FIG4: variants seen among roughly 807,000 people sequenced by gnomAD.
FIG4 encodes polyphosphoinositide phosphatase.
In FIG4, 112 loss-of-function variants were observed where a neutral mutation model predicts 118.6. The ratio of observed to expected loss-of-function variants is 0.94; its 90% CI spans 0.81 to 1.11. The LOEUF (loss-of-function observed/expected upper bound fraction) is 1.11, where lower values mean the gene tolerates loss of function less well. Ranked by LOEUF, FIG4 falls within the 50% of genes least tolerant of loss-of-function variation. FIG4 has a pLI of 0.00. For missense variants in FIG4, 969 were observed against 1,111.7 expected (o/e 0.87, Z 1.83); for synonymous variants, 369 against 381.2 (o/e 0.97, Z 0.37).
At chr6:109,701,104 T>A (rs957525969) in intron 1 of FIG4, among the ~76,000 whole-genome samples, 5 of 152,184 alleles carry the variant, frequency 3.3e-5, no homozygotes, top group Admixed American at 3.3e-4. Context: ...AGGTCGTTAT[T>A]GTTCTCTGTG....
chr6:109,806,374 C>T (rs753299384), intron 22 of FIG4, among the ~76,000 whole-genome samples: 2 of 152,172 alleles, frequency 1.3e-5, no homozygotes, highest in Non-Finnish European at 2.9e-5. Flanking sequence ...CCCAAAGCCC[C>T]TCTATAATGA....
chr6:109,743,164 A>G lies in FIG4; in HGVS notation c.931A>G (p.Met311Val). ...TEQILCDASV[M>V]SFTAGSYSSY... ...ACAAATACTCTGCGATGCTTCTGTG[A>G]TGTCTTTCACTGCAGGAAGTTATTC... is the stretch of plus-strand genomic sequence containing the variant. The change falls in exon 9 of 23, where the codon ATG becomes GTG. Residue 311 changes from methionine to valine, a missense_variant. Physicochemically the swap from Met to Val is conservative, Grantham distance 21. Transcript: ENST00000230124. 1.2e-6 allele frequency: 2 copies of G among 1,613,052 alleles called. No homozygotes were observed. Among genetic ancestry groups the G allele is most frequent in the Non-Finnish European group, 1.7e-6 (2 of 1,179,274 alleles).
chr6:109,740,431 G>A (rs1171269674), intron 7 of FIG4, among the ~76,000 whole-genome samples: 1 of 152,038 alleles, frequency 6.6e-6, no homozygotes, highest in African/African-American at 2.4e-5. Flanking sequence ...TACAGGCCAG[G>A]CACTAGTTGT....
intron 1 of FIG4, among the ~76,000 whole-genome samples, chr6:109,693,675 TGATC>T (rs896028575): frequency 2.0e-5 from 3 of 152,164 alleles, no homozygotes; most frequent in Non-Finnish European, 2.9e-5. Context: ...AGAAAAAATC[TGATC>T]GACTCAACTA....
chr6:109,749,588 T>TAATAAAATAAAGTAA (rs138998169), intron 10 of FIG4, among the ~76,000 whole-genome samples: 7 of 141,764 alleles, frequency 4.9e-5, no homozygotes, highest in African/African-American at 1.8e-4. Flanking sequence ...CCTGCCTCAA[T>TAATAAAATAAAGTAA]AATAAAATAA....
intron 15 of FIG4, among the ~76,000 whole-genome samples, chr6:109,774,426 A>G (rs982352493): frequency 1.3e-5 from 2 of 152,164 alleles, no homozygotes; most frequent in South Asian, 2.1e-4. Flanking sequence ...ATCTTTGAAC[A>G]TATACCTTTT....
chr6:109,711,877 G>T (rs549155354), intron 1 of FIG4, among the ~76,000 whole-genome samples: 1 of 152,288 alleles, frequency 6.6e-6, no homozygotes, highest in African/African-American at 2.4e-5. Flanking sequence ...ACTTCAGGGT[G>T]TTTTTCTAGT....
At chr6:109,732,392 C>T (rs35261023) in intron 4 of FIG4, among the ~76,000 whole-genome samples, 64 of 152,272 alleles carry the variant, frequency 4.2e-4, no homozygotes, top group Non-Finnish European at 8.5e-4. Flanking sequence ...TGTAGATGCA[C>T]GACTTTGCCT....
intron 21 of FIG4, among the ~76,000 whole-genome samples, chr6:109,796,401 C>T (rs1325983750): frequency 6.6e-6 from 1 of 152,186 alleles, no homozygotes; most frequent in Non-Finnish European, 1.5e-5. Context: ...CTGCATTCCA[C>T]GCATTAGATA....
At chr6:109,813,375 C>T (rs1778773573) in intron 22 of FIG4, among the ~76,000 whole-genome samples, 1 of 152,122 alleles carries the variant, frequency 6.6e-6, no homozygotes, top group Admixed American at 6.6e-5. Flanking sequence ...AATCCTCAAA[C>T]CCATTCAAGT....
intron 8 of FIG4, 87 bp downstream of exon 8, chr6:109,741,631 T>C: frequency 2.2e-6 from 2 of 894,832 alleles, no homozygotes; most frequent in Middle Eastern, 4.3e-4. Context: ...TTTTAAGAAG[T>C]GGTATTTCTT....
At chr6:109,797,069 G>A (rs1264069673) in intron 22 of FIG4, among the ~76,000 whole-genome samples, 1 of 152,166 alleles carries the variant, frequency 6.6e-6, no homozygotes, top group Non-Finnish European at 1.5e-5. Flanking sequence ...CTTTGGAGGT[G>A]GGTTTGGCAT....
At chr6:109,714,043 T>C (rs1426724290) in intron 1 of FIG4, among the ~76,000 whole-genome samples, 1 of 152,142 alleles carries the variant, frequency 6.6e-6, no homozygotes, top group Non-Finnish European at 1.5e-5. Flanking sequence ...TGTGCTCCAC[T>C]ACAAACGCTC....
At chr6:109,765,695 T>C (rs1777259625) in intron 14 of FIG4, among the ~76,000 whole-genome samples, 1 of 152,208 alleles carries the variant, frequency 6.6e-6, no homozygotes, top group Admixed American at 6.5e-5. Context: ...AAAAGAGTAC[T>C]GTGTCTTCAT....
intron 1 of FIG4, among the ~76,000 whole-genome samples, chr6:109,693,269 G>A (rs942770631): frequency 6.6e-6 from 1 of 152,186 alleles, no homozygotes; most frequent in Non-Finnish European, 1.5e-5. Context: ...TTATTCTGCA[G>A]TAAAACTGTA....
intron 16 of FIG4, among the ~76,000 whole-genome samples, chr6:109,777,943 A>G (rs1777667340): frequency 6.6e-6 from 1 of 152,184 alleles, no homozygotes; most frequent in African/African-American, 2.4e-5. Flanking sequence ...GACACACCTC[A>G]CAGAGTCATT....
At chr6:109,795,647 G>C (rs1465501809) in intron 21 of FIG4, among the ~76,000 whole-genome samples, 1 of 109,558 alleles carries the variant, frequency 9.1e-6, no homozygotes, top group Non-Finnish European at 1.7e-5. Flanking sequence ...TGTCACCCAG[G>C]CTGGAGTGCA....
At chr6:109,696,921 T>A (rs1774740335) in intron 1 of FIG4, among the ~76,000 whole-genome samples, 1 of 152,164 alleles carries the variant, frequency 6.6e-6, no homozygotes, top group South Asian at 2.1e-4. Context: ...AAATTATAGA[T>A]GTTTGAGGTG....
intron 2 of FIG4, among the ~76,000 whole-genome samples, chr6:109,715,412 C>T (rs1318587371): frequency 6.6e-6 from 1 of 152,118 alleles, no homozygotes; most frequent in Non-Finnish European, 1.5e-5. Flanking sequence ...TTCGAAAACA[C>T]ACTCTTAGGA....
Sources: gnomAD v4.1 joint callset for allele counts (sites outside exome capture counted in the v4.1 genomes callset) on GRCh38, gnomAD v4.1.1 for gene constraint, MANE v1.5 for transcripts, NCBI Gene and HGNC (gene_info 2026-07-23, HGNC 2026-07-21) for gene names.